CHUK: variants seen among roughly 807,000 people sequenced by gnomAD.
CHUK encodes the protein inhibitor of nuclear factor kappa-B kinase subunit alpha.
In CHUK, 35 loss-of-function variants were observed where a neutral mutation model predicts 104.8. The ratio of observed to expected loss-of-function variants is 0.33; its 90% confidence interval spans 0.26 to 0.44. The LOEUF is 0.44. Among genes scored for constraint, CHUK ranks in the 20% least tolerant of loss-of-function variants. CHUK has a pLI of 1.00. For missense variants in CHUK, 663 were observed against 902.7 expected, an observed-to-expected ratio of 0.73 and a Z score of 3.40; for synonymous variants, 276 against 291.9, an observed-to-expected ratio of 0.95 and a Z score of 0.56.
At chr10:100,206,477 A>G (rs993206943) in intron 11 of CHUK, among the ~76,000 whole-genome samples, 181 of 149,280 alleles carry the variant, frequency 1.2e-3, no homozygotes, top group African/African-American at 4.0e-3. Flanking sequence ...ACCATTCTTA[A>G]AAAAAAAAAG....
intron 10 of CHUK, among the ~76,000 whole-genome samples, chr10:100,209,208 G>A (rs1845663826): frequency 6.6e-6 from 1 of 152,106 alleles, no homozygotes; most frequent in African/African-American, 2.4e-5. Context: ...AATAAACTAC[G>A]GAAAAACTTT....
chr10:100,189,464 G>A lies in CHUK; in HGVS notation c.*134C>T. 1.3e-6 allele frequency: 1 copy of A among 754,848 alleles called. No individual in the cohort carries two copies. The highest frequency in any genetic ancestry group is 1.4e-5 in the South Asian group (1 of 69,146). 46.8% of individuals were successfully genotyped at this position (754,848 alleles called of 1,614,324 possible). On this transcript the variant is annotated 3_prime_UTR_variant, in exon 21 of 21. Coordinates refer to ENST00000370397, the MANE Select transcript of CHUK (RefSeq NM_001278.5). ...AAATCATGTTCTTCTGATCATAGTA[G>A]AAATGTAGTTTCTGTTCATAGCCAT...
At chr10:100,224,333 C>G (rs1846057278) in intron 2 of CHUK, among the ~76,000 whole-genome samples, 1 of 152,210 alleles carries the variant, frequency 6.6e-6, no homozygotes, top group African/African-American at 2.4e-5. Flanking sequence ...AGGAAAGACT[C>G]TAAGCTAGAA....
chr10:100,218,891 A>T, intron 7 of CHUK, 66 bp from the exon 8 acceptor site: 1 of 1,511,336 alleles, frequency 6.6e-7, no homozygotes, highest in South Asian at 1.1e-5. Context: ...CTTGCCATTT[A>T]ATTATATTTA....
intron 9 of CHUK, among the ~76,000 whole-genome samples, chr10:100,210,091 A>ATTTATTTATT (rs58570772): frequency 2.2e-4 from 27 of 121,828 alleles, no homozygotes; most frequent in African/African-American, 7.8e-4. Context: ...TTATTTATTT[A>ATTTATTTATT]TTTTTTTTTT....
chr10:100,207,978 G>T (rs1397667433), intron 10 of CHUK, among the ~76,000 whole-genome samples: 1 of 151,934 alleles, frequency 6.6e-6, no homozygotes, highest in Non-Finnish European at 1.5e-5. Context: ...CCTCAATAAA[G>T]TCATAAAAAG....
At chr10:100,201,192 G>C (rs1845453527) in intron 14 of CHUK, among the ~76,000 whole-genome samples, 2 of 152,084 alleles carry the variant, frequency 1.3e-5, no homozygotes, top group Admixed American at 6.6e-5. Flanking sequence ...AAAGAACTTG[G>C]ATTTCCCACC....
rs773081558 is a variant in CHUK at position 100,229,498 on chromosome 10, C to T, written c.35G>A (p.Gly12Asp). 2 of 1,578,094 alleles carry T rather than the reference C, an allele frequency of 1.3e-6. No homozygotes were observed. The highest frequency in any genetic ancestry group is 1.7e-6 in the Non-Finnish European group (2 of 1,166,452). The change falls in exon 1 of 21, where the codon GGC becomes GAC. Residue 12 changes from glycine (G) to aspartate (D), a missense_variant. Physicochemically the swap from Gly to Asp is moderately conservative, Grantham distance 94 (BLOSUM62 -1). Coordinates refer to ENST00000370397, the MANE Select transcript of CHUK (RefSeq NM_001278.5). Reference protein sequence around the residue: ...ERPPGLRPGAGGPWEMRERLG... With the variant: ...ERPPGLRPGADGPWEMRERLG... Reference sequence around the variant, plus strand: ...CCGCTCCCGCATCTCCCAGGGCCCGCCCGCGCCCGGCCGCAGCCCCGGGGG... The same window carrying T: ...CCGCTCCCGCATCTCCCAGGGCCCGTCCGCGCCCGGCCGCAGCCCCGGGGG...
At chr10:100,201,699 G>C (rs1012288790) in intron 14 of CHUK, among the ~76,000 whole-genome samples, 3 of 152,016 alleles carry the variant, frequency 2.0e-5, no homozygotes, top group Non-Finnish European at 4.4e-5. Flanking sequence ...TACAAAAAAT[G>C]TAAAAGTTAG....
intron 11 of CHUK, among the ~76,000 whole-genome samples, chr10:100,206,469 C>G (rs1845593586): frequency 1.3e-5 from 2 of 150,810 alleles, no homozygotes; most frequent in South Asian, 2.1e-4. Context: ...AATCTAAAAC[C>G]ATTCTTAAAA....
rs116300891 is a variant in CHUK at position 100,213,947 on chromosome 10, A to C, written c.933+4048T>G. ...TCTTATTAAGAGACTTTTCTTTAAT[A>C]TAAATCTTTATGTTTAAAAGGGGAG... On this transcript the variant is annotated intron_variant, in intron 9 of 20. Transcript: ENST00000370397. 5.2e-3 allele frequency among the ~76,000 whole-genome samples: 793 copies of C among 152,340 alleles called. 7 individuals are homozygous for C. Among genetic ancestry groups the C allele is most frequent in the African/African-American group, 0.018 (764 of 41,572 alleles).
Position 100,194,509 on chromosome 10 carries a change from C to T in CHUK, c.1742G>A (p.Ser581Asn). The T allele has an allele frequency of 1.9e-6, 3 of 1,610,218 alleles. No individual in the cohort carries two copies. The highest frequency in any genetic ancestry group is 1.7e-6 in the Non-Finnish European group (2 of 1,176,616). Reference sequence around the variant, plus strand: ...GATTTTCACCATCTCTGTGCTGTCACTGTAGGAGTGATCTATAAAAGACAT... The same window carrying T: ...GATTTTCACCATCTCTGTGCTGTCATTGTAGGAGTGATCTATAAAAGACAT... Reference protein sequence around the residue: ...LKHRPSDHSYSDSTEMVKIIV... With the variant: ...LKHRPSDHSYNDSTEMVKIIV... Residue 581 changes from serine to asparagine, a missense_variant, in exon 17 of 21, where the codon AGT (serine) becomes AAT (asparagine). Physicochemically the swap from Ser to Asn is conservative, Grantham distance 46. Transcript: ENST00000370397.
chr10:100,226,723 G>C (rs1846113646), intron 1 of CHUK, among the ~76,000 whole-genome samples: 1 of 152,180 alleles, frequency 6.6e-6, no homozygotes, highest in South Asian at 2.1e-4. Flanking sequence ...CTATGTTTCT[G>C]ATATCACAAG....
intron 9 of CHUK, among the ~76,000 whole-genome samples, chr10:100,213,446 A>C (rs1845780503): frequency 6.6e-6 from 1 of 151,726 alleles, no homozygotes; most frequent in Non-Finnish European, 1.5e-5. Context: ...AGATTGCACC[A>C]TGGTACTCTA....
At chr10:100,193,581 C>A (rs1350517428) in intron 18 of CHUK, 150 bp from the exon 19 acceptor site, 2 of 890,250 alleles carry the variant, frequency 2.2e-6, no homozygotes, top group African/African-American at 3.3e-5. Flanking sequence ...CCCACCTTTA[C>A]ACACCATTAG....
rs374740759 is a variant in CHUK, at chr10:100,222,108, G to T, written c.385+4C>A. 2.1e-5 allele frequency: 30 copies of T among 1,453,390 alleles called. No individual in the cohort carries two copies. The African/African-American group carries it at 3.5e-4, about 17-fold the overall frequency. 90.0% of individuals were successfully genotyped at this position (1,453,390 alleles called of 1,614,324 possible). A position where few individuals can be genotyped will look rare whatever the true frequency, so the allele number is the denominator to read the frequency against. On this transcript the variant is annotated splice_donor_region_variant and intron_variant, in intron 4 of 20. Transcript: ENST00000370397. ...TACAATGGTATTTTAATACTGATAC[G>T]TACCTATATCACTTAGTAAAGAAAG...
intron 9 of CHUK, among the ~76,000 whole-genome samples, chr10:100,213,066 C>T (rs1845767033): frequency 6.6e-6 from 1 of 151,320 alleles, no homozygotes; most frequent in Non-Finnish European, 1.5e-5. Flanking sequence ...CTGAATATTC[C>T]CAACACAGAG....
intron 9 of CHUK, 137 bp downstream of exon 9, chr10:100,217,858 C>T (rs1486688571): frequency 5.4e-6 from 5 of 931,122 alleles, no homozygotes; most frequent in Non-Finnish European, 8.3e-6. Flanking sequence ...GCCTAGGTGA[C>T]AGAGTGAGAC....
chr10:100,194,060 T>C lies in CHUK; in HGVS notation c.1898A>G (p.Lys633Arg), dbSNP rs928146855. ...GAACATGACAGTATTGTCAGCTTCT[T>C]TGATATTACTGAGGGCCACTTCCAC... ...PKVEVALSNI[K>R]EADNTVMFMQ... Residue 633 changes from lysine to arginine, a missense_variant, in exon 18 of 21, where the codon AAA (lysine) becomes AGA (arginine). Physicochemically the swap from Lys to Arg is conservative, Grantham distance 26. Transcript: ENST00000370397. The C allele has an allele frequency of 5.0e-6, 8 of 1,613,426 alleles. No homozygotes were observed. Among genetic ancestry groups the C allele is most frequent in the East Asian group, 4.5e-5 (2 of 44,894 alleles).
Sources: allele counts gnomAD v4.1 joint callset (sites outside exome capture counted in the v4.1 genomes callset), GRCh38; gene constraint gnomAD v4.1.1; transcripts MANE v1.5; gene names NCBI Gene and HGNC (gene_info 2026-07-23, HGNC 2026-07-21).